The following PTPRA variants were observed in gnomAD, a reference collection of about 807,000 sequenced individuals.
PTPRA encodes the protein receptor-type tyrosine-protein phosphatase alpha.
Under a neutral mutation model 104.8 loss-of-function variants are expected in PTPRA, and 25 were observed. The ratio of observed to expected loss-of-function variants is 0.24; its 90% CI spans 0.17 to 0.33. The LOEUF is 0.33. PTPRA is among the 10% of genes least tolerant of loss of function. The pLI is 1.00. For missense variants in PTPRA, 765 were observed against 1,015.3 expected (o/e 0.75, Z 3.35); for synonymous variants, 323 against 368.9 (o/e 0.88, Z 1.43).
intron 2 of PTPRA, among the ~76,000 whole-genome samples, chr20:2,939,750 T>G (rs1188276696): frequency 6.6e-6 from 1 of 152,202 alleles, no homozygotes; most frequent in Non-Finnish European, 1.5e-5. Flanking sequence ...ACCTTCTTTT[T>G]TCTACTTTTC....
At chr20:2,899,741 G>A (rs761896734) in intron 1 of PTPRA, among the ~76,000 whole-genome samples, 47 of 152,070 alleles carry the variant, frequency 3.1e-4, no homozygotes, top group Non-Finnish European at 4.9e-4. Flanking sequence ...TGAAAGCCAT[G>A]GTTTCATTCC....
chr20:3,032,756 C>G (rs1286609710), intron 20 of PTPRA, among the ~76,000 whole-genome samples: 7 of 149,226 alleles, frequency 4.7e-5, no homozygotes, highest in Admixed American at 4.6e-4. Flanking sequence ...CAGAGTGAGA[C>G]TCCATCTCAA....
intron 3 of PTPRA, among the ~76,000 whole-genome samples, chr20:2,957,948 ATTT>A: frequency 6.9e-6 from 1 of 144,548 alleles, no homozygotes; most frequent in African/African-American, 2.5e-5. Context: ...GAGTTATTTG[ATTT>A]TTTTTTTTTT....
intron 2 of PTPRA, among the ~76,000 whole-genome samples, chr20:2,936,723 T>G (rs1313667121): frequency 6.6e-6 from 1 of 152,210 alleles, no homozygotes; most frequent in Non-Finnish European, 1.5e-5. Flanking sequence ...TCCACCTACC[T>G]TGGTCTCCCA....
chr20:2,948,923 G>T (rs913875385), intron 3 of PTPRA, among the ~76,000 whole-genome samples: 1 of 152,008 alleles, frequency 6.6e-6, no homozygotes, highest in South Asian at 2.1e-4. Context: ...CTGCACTCCA[G>T]CCTGGGTGAC....
At chr20:2,964,758 C>A in intron 4 of PTPRA, 103 bp from the exon 5 acceptor site, 1 of 1,040,072 alleles carries the variant, frequency 9.6e-7, no homozygotes, top group Non-Finnish European at 1.4e-6. Flanking sequence ...TTTGCTTGGT[C>A]TCCATATGTT....
chr20:3,029,292 A>G (rs2065303429), intron 20 of PTPRA, among the ~76,000 whole-genome samples: 1 of 151,754 alleles, frequency 6.6e-6, no homozygotes, highest in Non-Finnish European at 1.5e-5. Flanking sequence ...GGCACGTGCC[A>G]CCATGCCCAG....
intron 9 of PTPRA, among the ~76,000 whole-genome samples, chr20:2,991,614 C>T (rs1195284340): frequency 6.6e-6 from 1 of 152,088 alleles, no homozygotes; most frequent in Non-Finnish European, 1.5e-5. Flanking sequence ...CCTGAGACTC[C>T]ATGGTAAGGT....
At chr20:2,966,190 C>T (rs1221926940) in intron 5 of PTPRA, among the ~76,000 whole-genome samples, 1 of 152,138 alleles carries the variant, frequency 6.6e-6, no homozygotes, top group Non-Finnish European at 1.5e-5. Context: ...TATTTTCTAC[C>T]GTAAAGACAA....
chr20:3,024,686 G>T, intron 17 of PTPRA, 65 bp downstream of exon 17: 1 of 1,578,364 alleles, frequency 6.3e-7, no homozygotes, highest in Non-Finnish European at 8.7e-7. Flanking sequence ...AACATGGGAT[G>T]CCTGACTGTG....
intron 16 of PTPRA, among the ~76,000 whole-genome samples, chr20:3,023,206 C>T (rs929795140): frequency 6.6e-6 from 1 of 152,216 alleles, no homozygotes; most frequent in Non-Finnish European, 1.5e-5. Context: ...GTTCTCCAGT[C>T]TCAAGCACCC....
chr20:2,909,954 A>G (rs2059585424), intron 1 of PTPRA, among the ~76,000 whole-genome samples: 18 of 120,892 alleles, frequency 1.5e-4, no homozygotes, highest in Admixed American at 9.5e-4. Context: ...ATTATATATT[A>G]TAATATATGA....
In PTPRA at chr20:3,017,848, C is replaced by A. The variant is rs147020731; in HGVS notation, c.976C>A (p.Arg326=). 6.2e-7 allele frequency: 1 copy of A among 1,614,044 alleles called. No individual in the cohort carries two copies. ...AGAAGAAACGGTGAATGATTTCTGG[C>A]GGATGATCTGGGAACAAAACACAGC... ...PKEETVNDFW[R]MIWEQNTATI... The change falls in exon 13 of 24, where the codon CGG becomes AGG. Residue 326 remains arginine, a synonymous_variant. Coordinates refer to ENST00000399903, the MANE Select transcript of PTPRA (RefSeq NM_001385305.1).
At chr20:2,907,353 G>A (rs1045404499) in intron 1 of PTPRA, among the ~76,000 whole-genome samples, 1 of 151,696 alleles carries the variant, frequency 6.6e-6, no homozygotes, top group Non-Finnish European at 1.5e-5. Context: ...CAGCTCAGCC[G>A]TCAAACTGCT....
intron 3 of PTPRA, among the ~76,000 whole-genome samples, chr20:2,952,943 C>T (rs901351844): frequency 6.6e-6 from 1 of 152,150 alleles, no homozygotes; most frequent in Non-Finnish European, 1.5e-5. Context: ...ACATTTTATC[C>T]ATTCATCTGT....
At chr20:3,003,769 C>T (rs1444136624) in intron 9 of PTPRA, among the ~76,000 whole-genome samples, 2 of 142,558 alleles carry the variant, frequency 1.4e-5, no homozygotes, top group Non-Finnish European at 3.0e-5. Flanking sequence ...TGGTCTCAAA[C>T]TTCTGGCCTC....
intron 9 of PTPRA, among the ~76,000 whole-genome samples, chr20:2,999,753 G>A (rs1379073463): frequency 1.3e-5 from 2 of 152,290 alleles, no homozygotes; most frequent in East Asian, 3.9e-4. Context: ...ATGATAAAAT[G>A]TAGAGATCAT....
chr20:2,865,864 C>G, the PTPRA span: 1 of 459,562 alleles, frequency 2.2e-6, no homozygotes. The surrounding 1 kb of genome is among the most constrained non-coding windows in gnomAD (Gnocchi z 5.2). Context: ...GTGGGTAGTT[C>G]AGAGGTGTAT....
At chr20:2,952,105 C>T (rs2061373457) in intron 3 of PTPRA, among the ~76,000 whole-genome samples, 3 of 149,950 alleles carry the variant, frequency 2.0e-5, no homozygotes, top group African/African-American at 4.9e-5. Context: ...GGTGACAGAG[C>T]GAGACTCCAT....
Sources: gnomAD v4.1 joint callset for allele counts (sites outside exome capture counted in the v4.1 genomes callset) on GRCh38, gnomAD v4.1.1 for gene constraint, Gnocchi (gnomAD v3.1) non-coding constraint, MANE v1.5 for transcripts, NCBI Gene and HGNC (gene_info 2026-07-23, HGNC 2026-07-21) for gene names.